Variants in LINGO2 observed in about 807,000 individuals in gnomAD.
The protein encoded by LINGO2 is leucine rich repeat and Ig domain containing 2, also known as leucine-rich repeat and immunoglobulin-like domain-containing nogo receptor-interacting protein 2.
In LINGO2, 14 loss-of-function variants were observed where a neutral mutation model predicts 30.6. The ratio of observed to expected loss-of-function variants is 0.46; its 90% confidence interval spans 0.30 to 0.72. The LOEUF is 0.72. LINGO2 is among the 30% of genes least tolerant of loss of function. LINGO2 has a pLI of 0.07. For synonymous variants in LINGO2, 317 were observed against 288.5 expected (o/e 1.10, Z -1.00); for missense variants, 729 against 751.7 (o/e 0.97, Z 0.35).
intron 2 of LINGO2, among the ~76,000 whole-genome samples, chr9:28,451,293 A>G (rs1824638036): frequency 6.6e-6 from 1 of 151,866 alleles, no homozygotes; most frequent in African/African-American, 2.4e-5. Flanking sequence ...GAAAATAATC[A>G]TTTCATAGAA....
chr9:28,367,943 C>T (rs905735245), intron 3 of LINGO2, among the ~76,000 whole-genome samples: 1 of 152,036 alleles, frequency 6.6e-6, no homozygotes, highest in African/African-American at 2.4e-5. Context: ...TCTGGAAACT[C>T]TCCTTAAGGG....
intron 1 of LINGO2, among the ~76,000 whole-genome samples, chr9:28,662,379 T>C (rs927043419): frequency 3.9e-5 from 6 of 152,204 alleles, no homozygotes; most frequent in South Asian, 2.1e-4. Context: ...TAAATTGTTC[T>C]TGACACAGAC....
intron 3 of LINGO2, among the ~76,000 whole-genome samples, chr9:28,322,522 T>A (rs1013723823): frequency 6.6e-6 from 1 of 151,974 alleles, no homozygotes; most frequent in Non-Finnish European, 1.5e-5. Flanking sequence ...ACATAATAGA[T>A]TTTATTTTAT....
rs112561477 is a variant in LINGO2, at chr9:28,241,300, GA to G, written c.-87+53907del. ...AAAAAAAAAAAAAAAAAAGAAAAAAGAAAAAAAAAATCTAAGAATGTGGGGT... is the reference window on the plus strand; with the variant it reads ...AAAAAAAAAAAAAAAAAAGAAAAAAGAAAAAAAAATCTAAGAATGTGGGGT... On this transcript the variant is annotated intron_variant, in intron 4 of 5. Coordinates refer to ENST00000379992, the Ensembl canonical transcript of LINGO2. 6.3e-3 allele frequency among the ~76,000 whole-genome samples: 775 copies of G among 122,416 alleles called. 7 individuals carry two copies. Among genetic ancestry groups the G allele is most frequent in the African/African-American group, 0.023 (716 of 30,902 alleles). 80.3% of individuals were successfully genotyped at this position (122,416 alleles called of 152,430 possible).
chr9:28,109,348 CCT>C (rs1315190163), intron 4 of LINGO2, among the ~76,000 whole-genome samples: 1 of 152,094 alleles, frequency 6.6e-6, no homozygotes, highest in Non-Finnish European at 1.5e-5. Context: ...ACAAGGATGC[CCT>C]CTCTCACCAC....
chr9:28,252,072 AAT>A (rs1388438076), intron 4 of LINGO2, among the ~76,000 whole-genome samples: 2 of 152,198 alleles, frequency 1.3e-5, no homozygotes, highest in Admixed American at 1.3e-4. Context: ...CATGCAGTTT[AAT>A]ATGTTATAGA....
the LINGO2 span, among the ~76,000 whole-genome samples, chr9:28,766,784 G>C: frequency 2.3e-4 from 34 of 145,412 alleles, 1 homozygote; most frequent in South Asian, 6.3e-3. Context: ...GAAAGAGAGA[G>C]AGAGGGAGAG....
chr9:28,051,238 A>G (rs1563944363), intron 4 of LINGO2, among the ~76,000 whole-genome samples: 1 of 140,934 alleles, frequency 7.1e-6, no homozygotes. Context: ...CAAAGTGAAG[A>G]CTGAAAACTA....
the LINGO2 span, among the ~76,000 whole-genome samples, chr9:29,212,657 T>C: frequency 6.6e-6 from 1 of 152,136 alleles, no homozygotes; most frequent in Admixed American, 6.5e-5. Context: ...ATCCACGCTG[T>C]ATATCAACCT....
chr9:28,777,566 G>C, the LINGO2 span, among the ~76,000 whole-genome samples: 1 of 152,178 alleles, frequency 6.6e-6, no homozygotes, highest in Admixed American at 6.5e-5. Context: ...AAATTCTCCA[G>C]AAAGATATAT....
downstream of LINGO2, chr9:27,944,188 C>T (rs1823276863): frequency 1.3e-5 from 2 of 152,182 alleles, no homozygotes; most frequent in African/African-American, 2.4e-5. Context: ...ATACTGTTCT[C>T]CAAACAGGCA....
intron 4 of LINGO2, among the ~76,000 whole-genome samples, chr9:28,191,263 T>G (rs1819812767): frequency 6.6e-6 from 1 of 152,220 alleles, no homozygotes; most frequent in Admixed American, 6.5e-5. Flanking sequence ...CTTCTACTAT[T>G]TTCTTGACAT....
the LINGO2 span, among the ~76,000 whole-genome samples, chr9:28,736,199 T>C: frequency 6.6e-6 from 1 of 152,090 alleles, no homozygotes; most frequent in Non-Finnish European, 1.5e-5. Flanking sequence ...GTGTTATAGC[T>C]TAGAGCTGAG....
At chr9:28,744,106 A>T in the LINGO2 span, among the ~76,000 whole-genome samples, 4,494 of 127,422 alleles carry the variant, frequency 0.035, 116 homozygotes, top group East Asian at 0.084. Context: ...ATATATATAT[A>T]TATTTTTTTT....
chr9:27,950,372 T>G (rs768416145), exon 6 of LINGO2: 9 of 1,614,078 alleles, frequency 5.6e-6, no homozygotes, highest in Non-Finnish European at 7.6e-6. Flanking sequence ...GATTGTTGAA[T>G]GCTCCTGGTT....
chr9:28,844,630 C>G, the LINGO2 span, among the ~76,000 whole-genome samples: 1 of 151,724 alleles, frequency 6.6e-6, no homozygotes, highest in Non-Finnish European at 1.5e-5. Flanking sequence ...GCTGGAAAAA[C>G]TTACATCGCA....
At chr9:28,184,565 G>A (rs1039886335) in intron 4 of LINGO2, among the ~76,000 whole-genome samples, 2 of 151,134 alleles carry the variant, frequency 1.3e-5, no homozygotes. Context: ...TGTAAAGGGG[G>A]AGGAAGGAGG....
Position 28,153,960 on chromosome 9 carries a change from T to C in LINGO2, c.-87+141248A>G, listed in dbSNP as rs139145054. ...ATTAAGGTTTATAATCACTTTTACA[T>C]ACACATTTGTTAAATTATTACATTA... is the stretch of plus-strand genomic sequence containing the variant. On this transcript the variant is annotated intron_variant, in intron 4 of 5. Transcript: ENST00000379992. Among the ~76,000 whole-genome samples, 24 of 152,306 alleles carry C rather than the reference T, an allele frequency of 1.6e-4. No homozygotes were observed. The East Asian group carries it at 1.7e-3, about 11-fold the overall frequency.
At position 28,412,019 on chromosome 9, in the gene LINGO2, G is replaced by T. The variant is rs1011561109; in HGVS notation, c.-278-39151C>A. Among the ~76,000 whole-genome samples the T allele has an allele frequency of 1.3e-4, 20 of 151,964 alleles. 1 individual carries two copies. Among genetic ancestry groups the T allele is most frequent in the African/African-American group, 4.8e-4 (20 of 41,482 alleles). On this transcript the variant is annotated intron_variant, in intron 2 of 5. Coordinates refer to ENST00000379992, the Ensembl canonical transcript of LINGO2. ...GATGAATTGTATAATGGTGAAGTCT[G>T]GGATTTTAGTGTACCCATTACCTGA...
Sources: gnomAD v4.1 joint callset for allele counts (sites outside exome capture counted in the v4.1 genomes callset) on GRCh38, gnomAD v4.1.1 for gene constraint, MANE v1.5 for transcripts, NCBI Gene and HGNC (gene_info 2026-07-23, HGNC 2026-07-21) for gene names.